ZNF362: variants seen among roughly 807,000 people sequenced by gnomAD.
ZNF362 encodes zinc finger protein 362.
ZNF362 carries 11 observed loss-of-function variants against 42.9 expected under a neutral mutation model. That is an observed-to-expected ratio of 0.26 (90% confidence interval 0.16 to 0.42). The LOEUF (loss-of-function observed/expected upper bound fraction) is 0.42, where lower values mean the gene tolerates loss of function less well. ZNF362 is among the 20% of genes least tolerant of loss of function. The pLI is 1.00. For synonymous variants in ZNF362, 255 were observed against 257.3 expected, an observed-to-expected ratio of 0.99 and a Z score of 0.09; for missense variants, 362 against 576.2, an observed-to-expected ratio of 0.63 and a Z score of 3.81.
the ZNF362 span, chr1:33,163,881 G>A: frequency 2.0e-5 from 3 of 152,836 alleles, no homozygotes; most frequent in African/African-American, 4.8e-5. Context: ...GGGGGAACTC[G>A]AGGGGGATGT....
At chr1:33,133,881 T>C in the ZNF362 span, among the ~76,000 whole-genome samples, 4 of 152,222 alleles carry the variant, frequency 2.6e-5, no homozygotes, top group African/African-American at 7.2e-5. Flanking sequence ...AGGTGCTGGG[T>C]ACTTGCTTGT....
chr1:33,256,092 G>GGA (rs1645786771), upstream of ZNF362, among the ~76,000 whole-genome samples: 1 of 151,444 alleles, frequency 6.6e-6, no homozygotes. Context: ...TCAGGCGGGC[G>GGA]GAGGGGGGCG....
At chr1:33,144,184 T>C in the ZNF362 span, among the ~76,000 whole-genome samples, 1 of 149,508 alleles carries the variant, frequency 6.7e-6, no homozygotes, top group Non-Finnish European at 1.5e-5. Context: ...TTGCCCAGGC[T>C]GGAGTGCAAT....
At chr1:33,253,897 TTA>T (rs1353098273), upstream of ZNF362, among the ~76,000 whole-genome samples, 3 of 152,170 alleles carry the variant, frequency 2.0e-5, no homozygotes, top group African/African-American at 4.8e-5. Flanking sequence ...TTTATAGACT[TTA>T]TGTTTTAGAA....
upstream of ZNF362, among the ~76,000 whole-genome samples, chr1:33,253,017 A>T (rs118136081): frequency 3.2e-3 from 487 of 151,856 alleles, 15 homozygotes; most frequent in East Asian, 0.083. Flanking sequence ...ACACCTTGGG[A>T]ACCAAAGGAA....
At chr1:33,271,589 G>A (rs1050772529) in intron 2 of ZNF362, among the ~76,000 whole-genome samples, 4 of 152,216 alleles carry the variant, frequency 2.6e-5, no homozygotes, top group Non-Finnish European at 4.4e-5. Flanking sequence ...CTGGTGAGGC[G>A]ACAGTGGCTG....
the ZNF362 span, chr1:33,200,099 G>A: frequency 1.3e-5 from 2 of 152,230 alleles, no homozygotes; most frequent in African/African-American, 4.8e-5. Flanking sequence ...AAGTCCAGGA[G>A]GGGCTAAGTG....
At chr1:33,275,463 A>G in intron 2 of ZNF362, 2 of 856,078 alleles carry the variant, frequency 2.3e-6, no homozygotes, top group Non-Finnish European at 2.8e-6. Flanking sequence ...GTTGCACGTG[A>G]CATTGAACAA....
chr1:33,200,708 TAATC>T, the ZNF362 span, among the ~76,000 whole-genome samples: 891 of 152,318 alleles, frequency 5.8e-3, 10 homozygotes, highest in African/African-American at 0.02. Context: ...GGGGGTCAAT[TAATC>T]AGGAGAACAT....
upstream of ZNF362, among the ~76,000 whole-genome samples, chr1:33,253,188 G>A (rs1467993986): frequency 1.4e-5 from 2 of 146,842 alleles, no homozygotes; most frequent in African/African-American, 5.1e-5. Flanking sequence ...GCATCATGAA[G>A]GTGGATGGTG....
the ZNF362 span, among the ~76,000 whole-genome samples, chr1:33,208,268 G>C: frequency 6.6e-6 from 1 of 152,120 alleles, no homozygotes; most frequent in Non-Finnish European, 1.5e-5. Context: ...TGTGGCCTCT[G>C]TTCTGTTCCA....
At chr1:33,191,010 C>T in the ZNF362 span, among the ~76,000 whole-genome samples, 2 of 152,166 alleles carry the variant, frequency 1.3e-5, no homozygotes, top group Non-Finnish European at 2.9e-5. Context: ...TTTGGTGTTC[C>T]TCCTCAGAGA....
At chr1:33,148,006 T>C in the ZNF362 span, among the ~76,000 whole-genome samples, 1 of 152,196 alleles carries the variant, frequency 6.6e-6, no homozygotes, top group Admixed American at 6.5e-5. Flanking sequence ...TAGTGGGCAC[T>C]GGCAAATGTT....
the ZNF362 span, among the ~76,000 whole-genome samples, chr1:33,193,917 G>A: frequency 6.6e-6 from 1 of 152,204 alleles, no homozygotes; most frequent in African/African-American, 2.4e-5. Flanking sequence ...TGTGGCTGAA[G>A]AGCAAGTTCT....
chr1:33,216,524 C>T, the ZNF362 span, among the ~76,000 whole-genome samples: 1 of 132,476 alleles, frequency 7.5e-6, no homozygotes, highest in African/African-American at 2.7e-5. Context: ...CCCTTGAACC[C>T]AGGAGGCAGA....
At position 33,281,646 on chromosome 1, in the gene ZNF362, C is replaced by T. The variant is rs765733304; in HGVS notation, c.743C>T (p.Ser248Leu). The T allele has an allele frequency of 1.2e-5, 20 of 1,614,236 alleles. No homozygotes were observed. The South Asian group carries it at 1.9e-4, about 15-fold the overall frequency. Reference sequence around the variant, plus strand: ...TCAGAGATGCAGATCCACTCCAAGTCGCACACAGAGGCCAAGCCCCACAAG... The same window carrying T: ...TCAGAGATGCAGATCCACTCCAAGTTGCACACAGAGGCCAAGCCCCACAAG... ...TKSEMQIHSK[S>L]HTEAKPHKCP... Residue 248 changes from serine (S) to leucine (L), a missense_variant, in exon 6 of 9, where the codon TCG becomes TTG. This residue lies in a region of ZNF362 where 266 missense variants were observed against 365.4 expected (regional missense o/e 0.73). Coordinates refer to ENST00000539719, the MANE Select transcript of ZNF362 (RefSeq NM_152493.3). The surrounding 1 kb of genome is among the most constrained non-coding windows in gnomAD (Gnocchi z 4.8).
At chr1:33,243,429 G>A in the ZNF362 span, among the ~76,000 whole-genome samples, 339 of 151,604 alleles carry the variant, frequency 2.2e-3, no homozygotes, top group Non-Finnish European at 3.9e-3. Context: ...CAGGTGATCC[G>A]CCTGCCTTGG....
intron 1 of ZNF362, among the ~76,000 whole-genome samples, chr1:33,262,529 G>C (rs556600315): frequency 2.0e-5 from 3 of 151,876 alleles, no homozygotes; most frequent in African/African-American, 7.3e-5. Flanking sequence ...GGATGGTCTC[G>C]ATCTCCTGAC....
the ZNF362 span, among the ~76,000 whole-genome samples, chr1:33,247,768 G>A: frequency 6.6e-6 from 1 of 152,242 alleles, no homozygotes; most frequent in Non-Finnish European, 1.5e-5. Context: ...CAGCCCAGAT[G>A]GGGGAAAGGC....
Sources: allele counts gnomAD v4.1 joint callset (sites outside exome capture counted in the v4.1 genomes callset), GRCh38; gene constraint gnomAD v4.1.1; regional missense constraint gnomAD v4.1.1; non-coding constraint Gnocchi (gnomAD v3.1); transcripts MANE v1.5; gene names NCBI Gene and HGNC (gene_info 2026-07-23, HGNC 2026-07-21).